Variants in DEPDC1 observed in about 807,000 individuals in gnomAD.
The protein encoded by DEPDC1 is DEP domain-containing protein 1A.
A neutral mutation model predicts 86.8 loss-of-function variants in DEPDC1; 66 were observed. The observed-to-expected ratio is 0.76, with a 90% CI of 0.62 to 0.93. The LOEUF (loss-of-function observed/expected upper bound fraction) is 0.93, where lower values mean the gene tolerates loss of function less well. DEPDC1 is among the 40% of genes least tolerant of loss of function. The pLI is 0.00. For synonymous variants in DEPDC1, 255 were observed against 314.9 expected (o/e 0.81, Z 2.02); for missense variants, 792 against 935.7 (o/e 0.85, Z 2.00).
intron 9 of DEPDC1, among the ~76,000 whole-genome samples, chr1:68,479,592 AAGG>A (rs1646140008): frequency 6.6e-6 from 1 of 151,906 alleles, no homozygotes; most frequent in African/African-American, 2.4e-5. Context: ...CACTTGAGGC[AAGG>A]AGTTCGAAGC....
chr1:68,490,061 C>T (rs1646219444), intron 2 of DEPDC1, among the ~76,000 whole-genome samples: 1 of 151,820 alleles, frequency 6.6e-6, no homozygotes, highest in Non-Finnish European at 1.5e-5. Context: ...AAAACAATAC[C>T]CATGTATGTA....
chr1:68,475,970 A>C lies in DEPDC1; in HGVS notation c.*962T>G, dbSNP rs1252625581. On this transcript the variant is annotated 3_prime_UTR_variant, in exon 12 of 12. Transcript: ENST00000456315. ...GGCCCTGGGCATATAGGCTGTTTTA[A>C]AATTCCTCGGGTGAGTCTAATGTGT... 1 of 151,818 alleles carries C rather than the reference A, an allele frequency of 6.6e-6. No homozygotes were observed. The highest frequency in any genetic ancestry group is 1.5e-5 in the Non-Finnish European group (1 of 67,788). 9.4% of individuals were successfully genotyped at this position (151,818 alleles called of 1,614,324 possible). A position where few individuals can be genotyped will look rare whatever the true frequency, so the allele number is the denominator to read the frequency against.
chr1:68,487,231 C>T (rs4926325), intron 5 of DEPDC1, among the ~76,000 whole-genome samples: 85,738 of 151,796 alleles, frequency 0.56, 25,175 homozygotes, highest in Middle Eastern at 0.82. Context: ...TCATATTACA[C>T]ATAACAATTA....
In DEPDC1 at chr1:68,482,892, A is replaced by C; in HGVS notation, c.916T>G (p.Cys306Gly). 6.4e-7 allele frequency: 1 copy of C among 1,557,094 alleles called. No individual in the cohort carries two copies. ...CTATCTGAAACTGTGATGTAGCCACAAACAACTACCAGGAAATGAAACAAA... is the reference window on the plus strand; with the variant it reads ...CTATCTGAAACTGTGATGTAGCCACCAACAACTACCAGGAAATGAAACAAA... ...YELFVNILVV[C>G]GYITVSDRSS... Residue 306 changes from cysteine (C) to glycine (G), a missense_variant, in exon 8 of 12, where the codon TGT becomes GGT. Coordinates refer to ENST00000456315, the MANE Select transcript of DEPDC1 (RefSeq NM_001114120.3).
In DEPDC1 at chr1:68,476,783, A is replaced by G. The variant is rs1646118188; in HGVS notation, c.*149T>C. ...CTAGTTAGTTTCCTAAGAGTCTCAC[A>G]TTGATAACTATTTTGGCACTTCCTT... On this transcript the variant is annotated 3_prime_UTR_variant, in exon 12 of 12. Coordinates refer to ENST00000456315, the MANE Select transcript of DEPDC1 (RefSeq NM_001114120.3). 1.6e-6 allele frequency: 1 copy of G among 622,648 alleles called. No homozygotes were observed. Among genetic ancestry groups the G allele is most frequent in the South Asian group, 2.7e-5 (1 of 36,506 alleles). 38.6% of individuals were successfully genotyped at this position (622,648 alleles called of 1,614,324 possible). A position where few individuals can be genotyped will look rare whatever the true frequency, so the allele number is the denominator to read the frequency against.
chr1:68,476,634 A>G lies in DEPDC1; in HGVS notation c.*298T>C, dbSNP rs1224746745. 2 of 210,810 alleles carry G rather than the reference A, an allele frequency of 9.5e-6. No homozygotes were observed. The highest frequency in any genetic ancestry group is 1.9e-5 in the Non-Finnish European group (2 of 106,964). The allele number at this position is 210,810 out of a possible 1,614,324, so 13.1% of individuals were successfully genotyped here. On this transcript the variant is annotated 3_prime_UTR_variant, in exon 12 of 12. Transcript: ENST00000456315. ...AGAATTATAGTTTAATCCCTAACAC[A>G]GCTCAGTTTTCAAAATTCAAGTAAA...
chr1:68,494,354 TATAGTA>T, intron 2 of DEPDC1, 70 bp downstream of exon 2: 1 of 1,309,106 alleles, frequency 7.6e-7, no homozygotes, highest in South Asian at 1.6e-5. Flanking sequence ...AAGCTGCTGT[TATAGTA>T]AAAGTATAAT....
At chr1:68,484,954 A>ATTTT (rs1553156029) in intron 6 of DEPDC1, among the ~76,000 whole-genome samples, 5 of 150,986 alleles carry the variant, frequency 3.3e-5, no homozygotes, top group Middle Eastern at 3.4e-3. Context: ...ATATATATAT[A>ATTTT]TTTTTTAAAG....
chr1:68,494,768 G>C, intron 1 of DEPDC1, 73 bp from the exon 2 acceptor site: 1 of 1,224,382 alleles, frequency 8.2e-7, no homozygotes, highest in Non-Finnish European at 1.1e-6. Flanking sequence ...AAGTACATTA[G>C]GTAAAGAAAA....
In DEPDC1 at chr1:68,488,399, T is replaced by C. The variant is rs1646206677; in HGVS notation, c.696A>G (p.Gly232=). 2 of 1,593,430 alleles carry C rather than the reference T, an allele frequency of 1.3e-6. No individual in the cohort carries two copies. The highest frequency in any genetic ancestry group is 1.2e-5 in the South Asian group (1 of 86,172). Residue 232 remains glycine (G), a synonymous_variant, in exon 5 of 12, where the codon GGA becomes GGG. Coordinates refer to ENST00000456315, the MANE Select transcript of DEPDC1 (RefSeq NM_001114120.3). ...CTGATTTGTTTTGTAGTATAACTAC[T>C]CCACGTTTACTTGTATTGGCCATGT... The part of the protein sequence containing the change: ...MYNMANTSKR[G]VVILQNKSDD...
intron 5 of DEPDC1, 43 bp downstream of exon 5, chr1:68,488,331 G>T (rs746255144): frequency 7.1e-6 from 11 of 1,541,270 alleles, no homozygotes; most frequent in Non-Finnish European, 9.5e-6. Context: ...CTGCAACCTT[G>T]TTGGCAAGTT....
At chr1:68,477,765 G>A in intron 11 of DEPDC1, 22 bp downstream of exon 11, 1 of 1,403,952 alleles carries the variant, frequency 7.1e-7, no homozygotes, top group Non-Finnish European at 9.5e-7. Context: ...TTACATGATT[G>A]AGAACTTGCT....
At chr1:68,480,282 A>C (rs946643372) in intron 9 of DEPDC1, among the ~76,000 whole-genome samples, 18 of 149,818 alleles carry the variant, frequency 1.2e-4, no homozygotes, top group Non-Finnish European at 1.8e-4. Context: ...ACACACACAC[A>C]CCCCTCATTC....
intron 5 of DEPDC1, 82 bp downstream of exon 5, chr1:68,488,292 T>C: frequency 7.7e-7 from 1 of 1,301,706 alleles, no homozygotes; most frequent in African/African-American, 1.5e-5. Flanking sequence ...CTACTTTCAA[T>C]ATTTGGGTCT....
chr1:68,497,009 A>G lies in DEPDC1; in HGVS notation c.-10T>C. On this transcript the variant is annotated 5_prime_UTR_variant, in exon 1 of 12. It removes the in-frame stop codon of an upstream open reading frame in the 5' UTR. Coordinates refer to ENST00000456315, the MANE Select transcript of DEPDC1 (RefSeq NM_001114120.3). ...CACCCTGACTCTCCATAGGTCTGTC[A>G]GCGCCCGGTGGCGTCCATGGCGGCG... The G allele has an allele frequency of 6.2e-7, 1 of 1,611,528 alleles. No homozygotes were observed. The highest frequency in any genetic ancestry group is 8.5e-7 in the Non-Finnish European group (1 of 1,178,370).
chr1:68,491,295 C>G (rs1646227473), intron 2 of DEPDC1, among the ~76,000 whole-genome samples: 1 of 152,060 alleles, frequency 6.6e-6, no homozygotes, highest in Non-Finnish European at 1.5e-5. Context: ...TGACAAAGGT[C>G]TAGTATCCAG....
intron 6 of DEPDC1, among the ~76,000 whole-genome samples, chr1:68,485,282 AAGAC>A (rs1281022316): frequency 3.3e-5 from 5 of 152,016 alleles, no homozygotes; most frequent in Admixed American, 3.3e-4. Flanking sequence ...AAAGTTCTCT[AAGAC>A]AGAAAATACA....
rs985731369 is a variant in DEPDC1, at chr1:68,479,198, G to A, written c.2058C>T (p.Pro686=). ...TTTCCACTGCAGTCTGTAAGTAAGA[G>A]GGTACTTGAAGAATTTCCTGATGAT... ...MDHHQEILQV[P]SYLQTAVEKH... The change falls in exon 10 of 12, where the codon CCC becomes CCT. Residue 686 remains proline, a synonymous_variant. Coordinates refer to ENST00000456315, the MANE Select transcript of DEPDC1 (RefSeq NM_001114120.3). The A allele has an allele frequency of 1.2e-6, 2 of 1,611,906 alleles. No individual in the cohort carries two copies. Among genetic ancestry groups the A allele is most frequent in the Non-Finnish European group, 1.7e-6 (2 of 1,179,208 alleles).
chr1:68,489,107 AT>A, intron 3 of DEPDC1, 73 bp from the exon 4 acceptor site: 1 of 904,416 alleles, frequency 1.1e-6, no homozygotes, highest in Non-Finnish European at 1.8e-6. Context: ...CAATAATTCT[AT>A]TACTATCAGT....
Sources: gnomAD v4.1 joint callset for allele counts (sites outside exome capture counted in the v4.1 genomes callset) on GRCh38, gnomAD v4.1.1 for gene constraint, MANE v1.5 for transcripts, NCBI Gene and HGNC (gene_info 2026-07-23, HGNC 2026-07-21) for gene names.